RAB6A: variants seen among roughly 807,000 people sequenced by gnomAD.
The protein encoded by RAB6A is ras-related protein Rab-6A.
In RAB6A, 8 loss-of-function variants were observed where a neutral mutation model predicts 32.3. That is an observed-to-expected ratio of 0.25 (90% confidence interval 0.15 to 0.45). The LOEUF is 0.45. Ranked by LOEUF, RAB6A falls within the 20% of genes least tolerant of loss-of-function variation. The pLI, the probability that RAB6A is intolerant of heterozygous loss-of-function variation, is 1.00. For missense variants in RAB6A, 104 were observed against 249.4 expected (o/e 0.42, Z 3.93); for synonymous variants, 73 against 82.1 (o/e 0.89, Z 0.60).
chr11:73,683,341 G>C (rs1245777019), intron 6 of RAB6A, among the ~76,000 whole-genome samples: 1 of 136,642 alleles, frequency 7.3e-6, no homozygotes, highest in Non-Finnish European at 1.5e-5. Context: ...CTGAGGTCTC[G>C]ACCTCATGGG....
chr11:73,725,660 AC>A (rs1202485758), intron 2 of RAB6A, among the ~76,000 whole-genome samples: 1 of 152,102 alleles, frequency 6.6e-6, no homozygotes, highest in East Asian at 1.9e-4. Context: ...GTGGGAAACC[AC>A]CCCCAATGAT....
chr11:73,730,872 G>T lies in RAB6A; in HGVS notation c.71-49C>A, dbSNP rs377193504. ...TTGCTCAGTGAACACATTACATTGG[G>T]TTCTCAGAAAATTTTTCTACAGAGA... On this transcript the variant is annotated intron_variant, in intron 1 of 7. Coordinates refer to ENST00000336083, the MANE Select transcript of RAB6A (RefSeq NM_198896.2). 1.8e-5 allele frequency: 26 copies of T among 1,447,106 alleles called. No homozygotes were observed. The African/African-American group carries it at 3.1e-4, about 17-fold the overall frequency. 89.6% of individuals were successfully genotyped at this position (1,447,106 alleles called of 1,614,324 possible).
At chr11:73,690,397 T>G (rs922249684) in intron 6 of RAB6A, among the ~76,000 whole-genome samples, 2 of 152,060 alleles carry the variant, frequency 1.3e-5, no homozygotes, top group Admixed American at 6.6e-5. Flanking sequence ...AAAATCTTTT[T>G]AAAAAATACA....
chr11:73,759,920 C>CAG, intron 1 of RAB6A: 2 of 768,860 alleles, frequency 2.6e-6, no homozygotes. Flanking sequence ...ACTGCCGACG[C>CAG]TACCCCTTTC....
chr11:73,696,009 G>A (rs1199216416), intron 6 of RAB6A, among the ~76,000 whole-genome samples: 1 of 152,144 alleles, frequency 6.6e-6, no homozygotes, highest in African/African-American at 2.4e-5. Context: ...ATGACTACCA[G>A]TTCTTACCTT....
chr11:73,708,140 C>G (rs1945879737), intron 5 of RAB6A, among the ~76,000 whole-genome samples: 1 of 152,102 alleles, frequency 6.6e-6, no homozygotes, highest in Non-Finnish European at 1.5e-5. Context: ...ATATTTTGTG[C>G]ACTGCAAATC....
chr11:73,756,060 T>C (rs1946746855), intron 1 of RAB6A, among the ~76,000 whole-genome samples: 1 of 151,874 alleles, frequency 6.6e-6, no homozygotes, highest in Non-Finnish European at 1.5e-5. Flanking sequence ...CAATATAAAA[T>C]GTTCAGTACT....
intron 6 of RAB6A, among the ~76,000 whole-genome samples, chr11:73,680,820 T>C (rs1157716153): frequency 6.6e-6 from 1 of 152,186 alleles, no homozygotes; most frequent in African/African-American, 2.4e-5. Flanking sequence ...ATCATTGGAA[T>C]GAGTGTCAGT....
chr11:73,683,823 G>T (rs1211111201), intron 6 of RAB6A, among the ~76,000 whole-genome samples: 1 of 152,180 alleles, frequency 6.6e-6, no homozygotes, highest in Non-Finnish European at 1.5e-5. Context: ...AAAGTGCTGA[G>T]ATTAAAGGCA....
At chr11:73,692,478 G>C (rs1162881039) in intron 6 of RAB6A, among the ~76,000 whole-genome samples, 1 of 126,850 alleles carries the variant, frequency 7.9e-6, no homozygotes, top group Non-Finnish European at 1.6e-5. Flanking sequence ...ACTCCGGCCT[G>C]AGCGACAGAG....
At chr11:73,707,534 T>G (rs534728774) in intron 5 of RAB6A, 21 bp from the exon 6 acceptor site, 104 of 1,543,498 alleles carry the variant, frequency 6.7e-5, no homozygotes, top group Non-Finnish European at 8.6e-5. Context: ...ACAAACAAAC[T>G]TCTTACTTTT....
chr11:73,747,499 C>T (rs1479398642), intron 1 of RAB6A, among the ~76,000 whole-genome samples: 2 of 151,880 alleles, frequency 1.3e-5, no homozygotes, highest in Non-Finnish European at 2.9e-5. Context: ...GACACCATGC[C>T]CGGCCAGCCT....
intron 1 of RAB6A, among the ~76,000 whole-genome samples, chr11:73,745,114 G>GA (rs1946566737): frequency 3.3e-5 from 5 of 152,228 alleles, no homozygotes; most frequent in South Asian, 2.1e-4. Flanking sequence ...TTTCTTATGG[G>GA]AAAAAATAGG....
chr11:73,715,610 A>C (rs972253430), intron 5 of RAB6A, among the ~76,000 whole-genome samples: 2 of 152,268 alleles, frequency 1.3e-5, no homozygotes, highest in African/African-American at 4.8e-5. Flanking sequence ...AGTATGGTCA[A>C]AACTATTTAA....
intron 1 of RAB6A, 145 bp from the exon 2 acceptor site, chr11:73,730,968 A>G (rs1284703062): frequency 1.7e-6 from 1 of 598,886 alleles, no homozygotes; most frequent in African/African-American, 1.9e-5. Flanking sequence ...ATATAGCCCC[A>G]AGATTGTCAA....
intron 1 of RAB6A, among the ~76,000 whole-genome samples, chr11:73,736,977 C>CAAAAAA (rs535172648): frequency 3.1e-5 from 2 of 64,942 alleles, no homozygotes; most frequent in Non-Finnish European, 5.8e-5. Flanking sequence ...GACACTGTCT[C>CAAAAAA]AAAAAAAAAA....
intron 1 of RAB6A, among the ~76,000 whole-genome samples, chr11:73,749,101 G>A (rs115032493): frequency 0.024 from 3,626 of 151,978 alleles, 149 homozygotes; most frequent in African/African-American, 0.084. Context: ...CTCCAGCCTC[G>A]ACAACAGACA....
intron 7 of RAB6A, among the ~76,000 whole-genome samples, chr11:73,678,934 C>T (rs967554567): frequency 6.6e-6 from 1 of 151,910 alleles, no homozygotes; most frequent in Non-Finnish European, 1.5e-5. Context: ...CCATGTTGGT[C>T]AGGCTGGTCT....
intron 6 of RAB6A, among the ~76,000 whole-genome samples, chr11:73,703,161 T>C (rs1234117161): frequency 6.6e-6 from 1 of 152,076 alleles, no homozygotes; most frequent in Non-Finnish European, 1.5e-5. Flanking sequence ...CAACATGGGT[T>C]CAGGTGAATG....
Sources: allele counts gnomAD v4.1 joint callset (sites outside exome capture counted in the v4.1 genomes callset), GRCh38; gene constraint gnomAD v4.1.1; transcripts MANE v1.5; gene names NCBI Gene and HGNC (gene_info 2026-07-23, HGNC 2026-07-21).